Variants in ADCY1 observed in about 807,000 individuals in gnomAD.
ADCY1 encodes adenylate cyclase 1, also known as adenylate cyclase type 1.
ADCY1 carries 28 observed loss-of-function variants against 105.4 expected under a neutral mutation model. The ratio of observed to expected loss-of-function variants is 0.27; its 90% CI spans 0.20 to 0.36. ADCY1 has a LOEUF of 0.36. ADCY1 is among the 10% of genes least tolerant of loss of function. ADCY1 has a pLI of 1.00. For missense variants in ADCY1, 977 were observed against 1,434.2 expected, an observed-to-expected ratio of 0.68 and a Z score of 5.15; for synonymous variants, 655 against 623.8, an observed-to-expected ratio of 1.05 and a Z score of -0.75.
Position 45,664,426 on chromosome 7 carries a change from C to T in ADCY1, c.1605+2212C>T, listed in dbSNP as rs913181882. On this transcript the variant is annotated intron_variant, in intron 8 of 19. Coordinates refer to ENST00000297323, the MANE Select transcript of ADCY1 (RefSeq NM_021116.4). ...GTCACCAGTGCTGCAAGGATGAGCT[C>T]CTGCCATCAGCCCTTATCCCCCAGG... 5 of 1,535,338 alleles carry T rather than the reference C, an allele frequency of 3.3e-6. No homozygotes were observed. The African/African-American group carries it at 6.8e-5, about 21-fold the overall frequency.
intron 4 of ADCY1, among the ~76,000 whole-genome samples, chr7:45,632,180 G>T (rs1794275495): frequency 6.6e-6 from 1 of 152,132 alleles, no homozygotes. Flanking sequence ...TAACCTATGT[G>T]TTTATCTTGA....
chr7:45,680,485 C>T (rs896710508), intron 11 of ADCY1: 2 of 152,338 alleles, frequency 1.3e-5, no homozygotes, highest in African/African-American at 2.4e-5. Context: ...TTCCCTCAGC[C>T]GACCCCAGGA....
intron 10 of ADCY1, among the ~76,000 whole-genome samples, chr7:45,679,378 C>G (rs1784516069): frequency 6.6e-6 from 1 of 152,172 alleles, no homozygotes; most frequent in Admixed American, 6.5e-5. Context: ...GTCTGGGAAA[C>G]TCTTGTCTTT....
At chr7:45,614,237 T>C (rs1366934058) in intron 3 of ADCY1, among the ~76,000 whole-genome samples, 2 of 152,036 alleles carry the variant, frequency 1.3e-5, no homozygotes, top group Non-Finnish European at 2.9e-5. Flanking sequence ...TATGAATAAA[T>C]AGAAACTGTG....
chr7:45,625,479 A>G (rs548452931), intron 4 of ADCY1, among the ~76,000 whole-genome samples: 2 of 152,064 alleles, frequency 1.3e-5, no homozygotes, highest in South Asian at 4.1e-4. Flanking sequence ...GTGAGCATGC[A>G]TGTGCACACG....
intron 4 of ADCY1, among the ~76,000 whole-genome samples, chr7:45,632,649 C>G (rs1794289923): frequency 6.6e-6 from 1 of 151,908 alleles, no homozygotes; most frequent in African/African-American, 2.4e-5. Context: ...TTGCAGCCTC[C>G]ACCTCCTGGG....
At chr7:45,711,621 A>ATG (rs1785232821) in intron 19 of ADCY1, among the ~76,000 whole-genome samples, 1 of 36,984 alleles carries the variant, frequency 2.7e-5, no homozygotes, top group Non-Finnish European at 6.5e-5. Flanking sequence ...ATATATATAT[A>ATG]TATATATATA....
chr7:45,614,879 A>G (rs1009672138), intron 3 of ADCY1, among the ~76,000 whole-genome samples: 2 of 152,222 alleles, frequency 1.3e-5, no homozygotes, highest in Non-Finnish European at 2.9e-5. Flanking sequence ...AGTATATAAA[A>G]CAAGCATTGA....
chr7:45,660,391 C>A (rs936307365), intron 7 of ADCY1, among the ~76,000 whole-genome samples: 1 of 152,218 alleles, frequency 6.6e-6, no homozygotes, highest in Admixed American at 6.5e-5. Flanking sequence ...GGAGCCAGAA[C>A]CCCTAGTCAG....
chr7:45,619,172 A>G (rs1204962558), intron 3 of ADCY1, among the ~76,000 whole-genome samples: 2 of 152,178 alleles, frequency 1.3e-5, no homozygotes, highest in Non-Finnish European at 2.9e-5. Context: ...GATCTCTTAG[A>G]CGTAGGCAGT....
chr7:45,675,243 A>T (rs1045456383), intron 8 of ADCY1, among the ~76,000 whole-genome samples: 1 of 152,138 alleles, frequency 6.6e-6, no homozygotes, highest in African/African-American at 2.4e-5. Flanking sequence ...ATTTTTACAT[A>T]ACATTACAGC....
chr7:45,711,775 A>G (rs1584348846), intron 19 of ADCY1, among the ~76,000 whole-genome samples: 1 of 141,536 alleles, frequency 7.1e-6, no homozygotes, highest in East Asian at 2.0e-4. Context: ...GTGTATATAT[A>G]CAGCATGAAG....
chr7:45,640,914 C>T (rs908506998), intron 4 of ADCY1, among the ~76,000 whole-genome samples: 4 of 152,162 alleles, frequency 2.6e-5, no homozygotes, highest in East Asian at 3.9e-4. Flanking sequence ...TATTTCCATG[C>T]TTGTGGGGTC....
chr7:45,678,220 C>T lies in ADCY1; in HGVS notation c.1855C>T (p.Leu619=), dbSNP rs1158321063. The change falls in exon 10 of 20, where the codon CTG becomes TTG. Residue 619 remains leucine, a synonymous_variant. Transcript: ENST00000297323. ...FTSAVVLTLI[L]AALFGLVYLL... ...CAGCGCCGTTGTCCTCACCCTCATCCTGGCTGCCTTATTTGGCCTTGTCTA... is the reference window on the plus strand; with the variant it reads ...CAGCGCCGTTGTCCTCACCCTCATCTTGGCTGCCTTATTTGGCCTTGTCTA... 2 of 1,614,224 alleles carry T rather than the reference C, an allele frequency of 1.2e-6. No individual in the cohort carries two copies. Among genetic ancestry groups the T allele is most frequent in the Non-Finnish European group, 1.7e-6 (2 of 1,180,046 alleles).
Position 45,686,274 on chromosome 7 carries a change from T to C in ADCY1, c.2327+59T>C. 1.9e-6 allele frequency: 3 copies of C among 1,568,920 alleles called. No homozygotes were observed. Among genetic ancestry groups the C allele is most frequent in the Admixed American group, 1.7e-5 (1 of 57,474 alleles). On this transcript the variant is annotated intron_variant, in intron 13 of 19. Coordinates refer to ENST00000297323, the MANE Select transcript of ADCY1 (RefSeq NM_021116.4). This position sits in a 1 kb window ranked among gnomAD's most constrained non-coding sequence, Gnocchi z 4.3. ...GCAGCGGTGCTACTGAATCTGTGTATACAGATATGCACTACAGGCTTCTGA... is the reference window on the plus strand; with the variant it reads ...GCAGCGGTGCTACTGAATCTGTGTACACAGATATGCACTACAGGCTTCTGA...
intron 4 of ADCY1, among the ~76,000 whole-genome samples, chr7:45,644,490 G>A (rs1348384978): frequency 6.6e-6 from 1 of 152,216 alleles, no homozygotes; most frequent in Non-Finnish European, 1.5e-5. Flanking sequence ...GCCATACCTG[G>A]AGCAAATCAG....
chr7:45,672,321 C>A (rs1784382503), intron 8 of ADCY1, among the ~76,000 whole-genome samples: 1 of 152,102 alleles, frequency 6.6e-6, no homozygotes, highest in Admixed American at 6.6e-5. Context: ...TCTGCCAACA[C>A]CATACTGTCT....
chr7:45,708,817 T>C lies in ADCY1; in HGVS notation c.2932+353T>C, dbSNP rs1332076290. 6.6e-6 allele frequency among the ~76,000 whole-genome samples: 1 copy of C among 152,236 alleles called. No homozygotes were observed. The highest frequency in any genetic ancestry group is 1.5e-5 in the Non-Finnish European group (1 of 68,034). ...GCTACATAGTTGAGGCCACATGGGC[T>C]GTCCAGAAGGAGGCCTTGACGGGAG... On this transcript the variant is annotated intron_variant, in intron 18 of 19. Transcript: ENST00000297323. The surrounding 1 kb of genome is among the most constrained non-coding windows in gnomAD (Gnocchi z 4.7).
chr7:45,695,043 T>C (rs2471251), intron 14 of ADCY1, among the ~76,000 whole-genome samples: 89,215 of 152,164 alleles, frequency 0.59, 26,951 homozygotes, highest in East Asian at 0.79. Flanking sequence ...TTCCAAGCCC[T>C]CTAGCCTTGT....
Sources: allele counts gnomAD v4.1 joint callset (sites outside exome capture counted in the v4.1 genomes callset), GRCh38; gene constraint gnomAD v4.1.1; non-coding constraint Gnocchi (gnomAD v3.1); transcripts MANE v1.5; gene names NCBI Gene and HGNC (gene_info 2026-07-23, HGNC 2026-07-21).